Variants in VWA8 observed in about 807,000 individuals in gnomAD.
The protein encoded by VWA8 is von Willebrand factor A domain-containing protein 8.
In VWA8, 221 loss-of-function variants were observed where a neutral mutation model predicts 241.5. That is an observed-to-expected ratio of 0.91 (90% CI 0.82 to 1.02). VWA8 has a LOEUF of 1.02. VWA8 is among the 50% of genes least tolerant of loss of function. The pLI is 0.00. For synonymous variants in VWA8, 852 were observed against 827.1 expected, an observed-to-expected ratio of 1.03 and a Z score of -0.52; for missense variants, 2,322 against 2,328.7, an observed-to-expected ratio of 1.00 and a Z score of 0.06.
chr13:41,623,067 G>A (rs2044667227), intron 37 of VWA8, among the ~76,000 whole-genome samples: 1 of 152,180 alleles, frequency 6.6e-6, no homozygotes. Flanking sequence ...TGAGACGTGA[G>A]GGAAAGTCTG....
chr13:41,936,339 G>T (rs367679445), intron 2 of VWA8, among the ~76,000 whole-genome samples: 1 of 152,016 alleles, frequency 6.6e-6, no homozygotes, highest in East Asian at 1.9e-4. Flanking sequence ...CCTCTTTTAT[G>T]TTGTGCCTGT....
In VWA8 at chr13:41,699,272, T is replaced by C. The variant is rs2045235023; in HGVS notation, c.3365-2A>G. 3 of 1,613,768 alleles carry C rather than the reference T, an allele frequency of 1.9e-6. No individual in the cohort carries two copies. Among genetic ancestry groups the C allele is most frequent in the Non-Finnish European group, 2.5e-6 (3 of 1,179,858 alleles). On this transcript the variant is annotated splice_acceptor_variant, in intron 28 of 44. Coordinates refer to ENST00000379310, the MANE Select transcript of VWA8 (RefSeq NM_015058.2). LOFTEE classifies it high-confidence loss of function. ...CATAGAGAGTATTTTGCTCATTTTC[T>C]GAAATGACAAAAAGGTGTTAATTTT...
Position 41,606,557 on chromosome 13 carries a change from A to G in VWA8, c.4878-1281T>C, listed in dbSNP as rs369419863. On this transcript the variant is annotated intron_variant, in intron 39 of 44. Transcript: ENST00000379310. ...CTAAACTAGTGTGTTATGTATATGC[A>G]TGCAATGTTGGAGATATGAATCCTA... is the stretch of plus-strand genomic sequence containing the variant. 3.3e-4 allele frequency among the ~76,000 whole-genome samples: 50 copies of G among 152,306 alleles called. 1 individual carries two copies. The South Asian group carries it at 8.9e-3, about 27-fold the overall frequency.
chr13:41,940,971 T>C (rs1437249323), intron 2 of VWA8, among the ~76,000 whole-genome samples: 3 of 152,140 alleles, frequency 2.0e-5, no homozygotes. Context: ...ATATTAACTC[T>C]TCAGGTAAAT....
intron 34 of VWA8, among the ~76,000 whole-genome samples, chr13:41,686,614 T>C (rs971708346): frequency 6.6e-6 from 1 of 152,138 alleles, no homozygotes; most frequent in Non-Finnish European, 1.5e-5. Flanking sequence ...AACTACATGG[T>C]TCATTCTAGT....
At chr13:41,593,131 T>C (rs1323328329) in intron 40 of VWA8, among the ~76,000 whole-genome samples, 1 of 152,188 alleles carries the variant, frequency 6.6e-6, no homozygotes, top group Non-Finnish European at 1.5e-5. Context: ...AGGTCAGCCA[T>C]TACACAAAGA....
chr13:41,784,719 T>C (rs1280674854), intron 18 of VWA8, among the ~76,000 whole-genome samples: 28 of 72,694 alleles, frequency 3.9e-4, no homozygotes, highest in African/African-American at 5.5e-4. Flanking sequence ...TATATATATA[T>C]ATATATATAT....
intron 40 of VWA8, among the ~76,000 whole-genome samples, chr13:41,604,132 C>G (rs1159441465): frequency 1.3e-5 from 2 of 152,152 alleles, no homozygotes; most frequent in Non-Finnish European, 2.9e-5. Context: ...CCTTAGCCAA[C>G]TATTGCCTTA....
At chr13:41,595,143 A>C (rs2044479746) in intron 40 of VWA8, among the ~76,000 whole-genome samples, 1 of 152,240 alleles carries the variant, frequency 6.6e-6, no homozygotes, top group Non-Finnish European at 1.5e-5. Context: ...GCAATTAAGC[A>C]AAACATGTAA....
At chr13:41,700,782 C>T (rs1210272819) in intron 28 of VWA8, among the ~76,000 whole-genome samples, 2 of 152,104 alleles carry the variant, frequency 1.3e-5, no homozygotes, top group South Asian at 2.1e-4. Flanking sequence ...AGACAAGATA[C>T]CAATTTTTGT....
At position 41,721,505 on chromosome 13, in the gene VWA8, A is replaced by G; in HGVS notation, c.2829T>C (p.Tyr943=). Reference sequence around the variant, plus strand: ...GGATGGGCTCAGGCACATTTGGTCCATACTGTCTGAGCATCTCGAGCTCCG... The same window carrying G: ...GGATGGGCTCAGGCACATTTGGTCCGTACTGTCTGAGCATCTCGAGCTCCG... ...PHSELEMLRQ[Y]GPNVPEPILQ... The change falls in exon 25 of 45, where the codon TAT becomes TAC. Residue 943 remains tyrosine (Y), a synonymous_variant. Coordinates refer to ENST00000379310, the MANE Select transcript of VWA8 (RefSeq NM_015058.2). 6.2e-7 allele frequency: 1 copy of G among 1,613,932 alleles called. No homozygotes were observed. The highest frequency in any genetic ancestry group is 2.2e-5 in the East Asian group (1 of 44,884).
intron 12 of VWA8, among the ~76,000 whole-genome samples, chr13:41,853,631 C>T (rs2138032982): frequency 6.6e-6 from 1 of 152,038 alleles, no homozygotes. Flanking sequence ...TAGGAATTTA[C>T]CAATTTCTTT....
intron 40 of VWA8, among the ~76,000 whole-genome samples, chr13:41,596,019 T>C (rs1028397473): frequency 6.6e-6 from 1 of 152,304 alleles, no homozygotes; most frequent in Middle Eastern, 3.4e-3. Context: ...TTTTTAGCCA[T>C]TCTTTTGGTG....
At chr13:41,828,474 A>G (rs9594637) in intron 14 of VWA8, among the ~76,000 whole-genome samples, 1,776 of 152,322 alleles carry the variant, frequency 0.012, 44 homozygotes, top group African/African-American at 0.04. Context: ...TCTATATAGT[A>G]TGCAGCTGAA....
At chr13:41,868,222 A>T in intron 10 of VWA8, 124 bp downstream of exon 10, 1 of 1,084,904 alleles carries the variant, frequency 9.2e-7, no homozygotes, top group Non-Finnish European at 1.4e-6. Context: ...ATAGACATAT[A>T]GATACCGACA....
At chr13:41,631,296 A>T (rs1171459302) in intron 37 of VWA8, among the ~76,000 whole-genome samples, 1 of 152,154 alleles carries the variant, frequency 6.6e-6, no homozygotes, top group East Asian at 1.9e-4. Flanking sequence ...CTGTGCTTAC[A>T]GGCATGAGTC....
intron 29 of VWA8, 83 bp downstream of exon 29, chr13:41,698,988 C>T: frequency 6.3e-7 from 1 of 1,577,162 alleles, no homozygotes; most frequent in Non-Finnish European, 8.7e-7. Context: ...CATGAAAGCA[C>T]ATCTTTTCAG....
chr13:41,677,460 A>C (rs2067222974), intron 35 of VWA8, among the ~76,000 whole-genome samples: 1 of 152,194 alleles, frequency 6.6e-6, no homozygotes, highest in Non-Finnish European at 1.5e-5. Context: ...TGAGAGATGA[A>C]GAAACTGAGG....
At chr13:41,687,551 G>A (rs1278475186) in intron 34 of VWA8, among the ~76,000 whole-genome samples, 2 of 152,076 alleles carry the variant, frequency 1.3e-5, no homozygotes, top group Non-Finnish European at 2.9e-5. Flanking sequence ...TTAGAGGGCT[G>A]GCTAGTCACA....
Sources: gnomAD v4.1 joint callset for allele counts (sites outside exome capture counted in the v4.1 genomes callset) on GRCh38, gnomAD v4.1.1 for gene constraint, MANE v1.5 for transcripts, NCBI Gene and HGNC (gene_info 2026-07-23, HGNC 2026-07-21) for gene names.